The following DEPTOR variants were observed in gnomAD, a reference collection of about 807,000 sequenced individuals.
The protein encoded by DEPTOR is DEP domain-containing mTOR-interacting protein.
Under a neutral mutation model 41.6 loss-of-function variants are expected in DEPTOR, and 41 were observed. The observed-to-expected ratio is 0.98, with a 90% CI of 0.77 to 1.28. The LOEUF (loss-of-function observed/expected upper bound fraction) is 1.28. DEPTOR is among the 50% of genes most tolerant of loss of function. The pLI, the probability that DEPTOR is intolerant of heterozygous loss-of-function variation, is 0.00. For missense variants in DEPTOR, 514 were observed against 527.9 expected, an observed-to-expected ratio of 0.97 and a Z score of 0.26; for synonymous variants, 195 against 192.3, an observed-to-expected ratio of 1.01 and a Z score of -0.12.
At chr8:120,034,507 G>T (rs915751755) in intron 8 of DEPTOR, among the ~76,000 whole-genome samples, 7 of 139,948 alleles carry the variant, frequency 5.0e-5, no homozygotes, top group Admixed American at 7.5e-5. Context: ...GAGTGCAGTG[G>T]CGCAATCTCA....
At chr8:119,979,438 T>C (rs1828735272) in intron 4 of DEPTOR, among the ~76,000 whole-genome samples, 1 of 151,858 alleles carries the variant, frequency 6.6e-6, no homozygotes, top group Admixed American at 6.6e-5. Context: ...AATTTTTGTA[T>C]TTTTCATAGA....
chr8:119,982,201 A>T lies in DEPTOR; in HGVS notation c.604+16791A>T, dbSNP rs183273437. Among the ~76,000 whole-genome samples, 53 of 152,148 alleles carry T rather than the reference A, an allele frequency of 3.5e-4. No individual in the cohort carries two copies. In the Middle Eastern group the frequency reaches 0.024, roughly 68 times the overall value. ...TTGGATAAAAGAATACAGTATCGTA[A>T]TTTCTCTTCCACAGATGGAAAAATT... On this transcript the variant is annotated intron_variant, in intron 4 of 8. Coordinates refer to ENST00000286234, the MANE Select transcript of DEPTOR (RefSeq NM_022783.4).
At chr8:119,976,816 C>T (rs1203654762) in intron 4 of DEPTOR, among the ~76,000 whole-genome samples, 1 of 152,090 alleles carries the variant, frequency 6.6e-6, no homozygotes. Context: ...CTGACAGATT[C>T]ACCAAGTGGG....
intron 4 of DEPTOR, among the ~76,000 whole-genome samples, chr8:119,999,915 C>A (rs534947943): frequency 2.6e-5 from 4 of 152,248 alleles, no homozygotes; most frequent in African/African-American, 9.6e-5. Flanking sequence ...GATAAAACCG[C>A]ACTGAACTAT....
chr8:119,916,880 G>T (rs1031182495), intron 1 of DEPTOR, among the ~76,000 whole-genome samples: 5 of 152,220 alleles, frequency 3.3e-5, no homozygotes, highest in Non-Finnish European at 7.3e-5. Flanking sequence ...GTTTGTTTAA[G>T]ACAGGGTCTG....
intron 4 of DEPTOR, among the ~76,000 whole-genome samples, chr8:119,966,989 T>C (rs192025199): frequency 6.6e-6 from 1 of 152,320 alleles, no homozygotes; most frequent in Admixed American, 6.5e-5. Flanking sequence ...CCTGTCTGTA[T>C]AGATTCTTTT....
intron 1 of DEPTOR, among the ~76,000 whole-genome samples, chr8:119,911,303 C>T (rs1012429034): frequency 7.3e-6 from 1 of 137,652 alleles, no homozygotes; most frequent in Admixed American, 8.6e-5. Flanking sequence ...ATGCTATGTA[C>T]ACACATTCTT....
At chr8:119,990,679 G>A (rs1041073893) in intron 4 of DEPTOR, among the ~76,000 whole-genome samples, 7 of 152,150 alleles carry the variant, frequency 4.6e-5, no homozygotes, top group Admixed American at 2.0e-4. Context: ...GTGTAAGTGG[G>A]TTATAACTTT....
intron 3 of DEPTOR, among the ~76,000 whole-genome samples, chr8:119,958,646 G>A (rs1268966287): frequency 2.6e-5 from 4 of 152,048 alleles, no homozygotes; most frequent in African/African-American, 7.2e-5. Flanking sequence ...GCCAGGTGTG[G>A]TGGCATGCAC....
intron 1 of DEPTOR, among the ~76,000 whole-genome samples, chr8:119,927,752 GCACCTGCTACCA>G (rs1827981624): frequency 6.6e-6 from 1 of 151,722 alleles, no homozygotes; most frequent in African/African-American, 2.4e-5. Context: ...GGGATTACAG[GCACCTGCTACCA>G]CACCTGGCTA....
intron 4 of DEPTOR, among the ~76,000 whole-genome samples, chr8:119,973,009 G>A (rs977449367): frequency 2.0e-5 from 3 of 151,212 alleles, no homozygotes; most frequent in Non-Finnish European, 4.4e-5. Context: ...GTGTGATCTT[G>A]GCTTACCACA....
At chr8:119,955,161 A>G (rs1258174380) in intron 3 of DEPTOR, among the ~76,000 whole-genome samples, 2 of 151,990 alleles carry the variant, frequency 1.3e-5, no homozygotes, top group African/African-American at 2.4e-5. Flanking sequence ...CCCGGCCTCT[A>G]TGATTGAATT....
At chr8:120,030,055 G>A (rs915379920) in intron 8 of DEPTOR, among the ~76,000 whole-genome samples, 1 of 152,178 alleles carries the variant, frequency 6.6e-6, no homozygotes, top group African/African-American at 2.4e-5. Context: ...ATGAGATCAA[G>A]TTTCACTTTT....
intron 8 of DEPTOR, among the ~76,000 whole-genome samples, chr8:120,016,540 A>T (rs1055651733): frequency 2.6e-5 from 4 of 151,876 alleles, no homozygotes; most frequent in African/African-American, 7.3e-5. Context: ...ACCTCAAGTG[A>T]TTCACGTGCC....
chr8:120,033,435 C>T (rs1302271961), intron 8 of DEPTOR, among the ~76,000 whole-genome samples: 1 of 152,144 alleles, frequency 6.6e-6, no homozygotes, highest in African/African-American at 2.4e-5. Flanking sequence ...GTCACAGCCT[C>T]TTGTTGTGTA....
intron 3 of DEPTOR, among the ~76,000 whole-genome samples, chr8:119,948,178 T>G (rs561540069): frequency 2.6e-5 from 4 of 152,234 alleles, no homozygotes; most frequent in Admixed American, 1.3e-4. Flanking sequence ...CTTCCCCATC[T>G]GATAGTAGGC....
chr8:119,996,815 G>T (rs1812267551), intron 4 of DEPTOR, among the ~76,000 whole-genome samples: 1 of 152,134 alleles, frequency 6.6e-6, no homozygotes, highest in South Asian at 2.1e-4. Context: ...TGTATACAGG[G>T]CTATATATTT....
intron 3 of DEPTOR, among the ~76,000 whole-genome samples, chr8:119,936,865 A>T (rs1025172363): frequency 6.6e-6 from 1 of 151,890 alleles, no homozygotes; most frequent in Non-Finnish European, 1.5e-5. Context: ...CTCTACTAAA[A>T]CTACAAAAAT....
Position 119,909,309 on chromosome 8 carries a change from G to A in DEPTOR, c.123-19091G>A, listed in dbSNP as rs149585986. Among the ~76,000 whole-genome samples the A allele has an allele frequency of 3.3e-3, 498 of 152,276 alleles. 4 individuals are homozygous for A. Among genetic ancestry groups the A allele is most frequent in the African/African-American group, 0.011 (468 of 41,560 alleles). The stretch of plus-strand genomic sequence containing the variant: ...CAAATGACAGCTGTCAGGAGAATGC[G>A]ACAGATAACTGATGAAATCTTTAGT... On this transcript the variant is annotated intron_variant, in intron 1 of 8. Transcript: ENST00000286234.
Sources: gnomAD v4.1 joint callset for allele counts (sites outside exome capture counted in the v4.1 genomes callset) on GRCh38, gnomAD v4.1.1 for gene constraint, MANE v1.5 for transcripts, NCBI Gene and HGNC (gene_info 2026-07-23, HGNC 2026-07-21) for gene names.